Variants in MS4A1 observed in about 807,000 individuals in gnomAD.
The protein encoded by MS4A1 is B-lymphocyte antigen CD20.
A neutral mutation model predicts 26.5 loss-of-function variants in MS4A1; 16 were observed. The observed-to-expected ratio is 0.60, with a 90% CI of 0.41 to 0.92. The LOEUF is 0.92. Ranked by LOEUF, MS4A1 falls within the 40% of genes least tolerant of loss-of-function variation. The pLI is 0.00. For missense variants in MS4A1, 350 were observed against 353.0 expected (o/e 0.99, Z 0.07); for synonymous variants, 128 against 117.6 (o/e 1.09, Z -0.57).
intron 6 of MS4A1, 141 bp from the exon 7 acceptor site, chr11:60,466,818 A>G: frequency 1.2e-6 from 1 of 805,648 alleles, no homozygotes; most frequent in Non-Finnish European, 2.1e-6. Flanking sequence ...CTGTACTAGC[A>G]GTTCTCACAG....
chr11:60,469,866 A>G lies in MS4A1; in HGVS notation c.*1398A>G, dbSNP rs1354363788. ...TTATTTGGGCATTTGCTACATGATG[A>G]GTGCTGCCAGATTGTGGCAGGTAAA... On this transcript the variant is annotated 3_prime_UTR_variant, in exon 8 of 8. Transcript: ENST00000345732. The G allele has an allele frequency of 6.6e-6, 1 of 152,084 alleles. No homozygotes were observed. The highest frequency in any genetic ancestry group is 1.5e-5 in the Non-Finnish European group (1 of 67,938). The allele number at this position is 152,084 out of a possible 1,614,324, so 9.4% of individuals were successfully genotyped here. A position where few individuals can be genotyped will look rare whatever the true frequency, so the allele number is the denominator to read the frequency against.
Position 60,470,371 on chromosome 11 carries a change from A to G in MS4A1, c.*1903A>G, listed in dbSNP as rs2086334090. 6.6e-6 allele frequency: 1 copy of G among 152,200 alleles called. No homozygotes were observed. The highest frequency in any genetic ancestry group is 3.4e-3 in the Middle Eastern group (1 of 294). 9.4% of individuals were successfully genotyped at this position (152,200 alleles called of 1,614,324 possible). On this transcript the variant is annotated 3_prime_UTR_variant, in exon 8 of 8. Transcript: ENST00000345732. ...ATGAAAGTCAGAAATCTTTAAAAAA[A>G]TACAAGATCTTATTTCTATCTTATT...
In MS4A1 at chr11:60,462,358, G is replaced by A. The variant is rs760841491; in HGVS notation, c.-17G>A. ...CATTTTGTTATTTGTTTTATTTTTA[G>A]GAGTTTTGAGAGCAAAATGACAACA... is the stretch of plus-strand genomic sequence containing the variant. On this transcript the variant is annotated 5_prime_UTR_variant, in exon 3 of 8. Coordinates refer to ENST00000345732, the MANE Select transcript of MS4A1 (RefSeq NM_152866.3). 11 of 1,613,916 alleles carry A rather than the reference G, an allele frequency of 6.8e-6. No homozygotes were observed. The highest frequency in any genetic ancestry group is 1.7e-5 in the Admixed American group (1 of 60,000).
At chr11:60,463,691 G>C (rs1466195660) in intron 4 of MS4A1, 1 of 406,176 alleles carries the variant, frequency 2.5e-6, no homozygotes, top group Non-Finnish European at 5.1e-6. Context: ...CACTATAAAA[G>C]ATAAGTCCAG....
intron 5 of MS4A1, among the ~76,000 whole-genome samples, chr11:60,465,062 A>T (rs1357401233): frequency 6.6e-6 from 1 of 152,236 alleles, no homozygotes; most frequent in Non-Finnish European, 1.5e-5. Context: ...CCTGTCTTAA[A>T]GTGGCCTGAC....
intron 7 of MS4A1, among the ~76,000 whole-genome samples, chr11:60,467,503 C>A (rs888558012): frequency 4.0e-5 from 6 of 151,790 alleles, no homozygotes; most frequent in Non-Finnish European, 7.4e-5. Flanking sequence ...CTTGAACTCC[C>A]GACCTCAGGT....
intron 1 of MS4A1, among the ~76,000 whole-genome samples, chr11:60,459,975 G>T (rs1020144961): frequency 2.6e-5 from 4 of 152,160 alleles, no homozygotes; most frequent in African/African-American, 7.2e-5. Flanking sequence ...GCTGGGCATG[G>T]TGGCTCACAG....
chr11:60,464,215 G>C, intron 4 of MS4A1, 73 bp from the exon 5 acceptor site: 1 of 1,117,754 alleles, frequency 8.9e-7, no homozygotes, highest in Non-Finnish European at 1.4e-6. Context: ...ATGTTAAAAA[G>C]TGATCTCCCT....
chr11:60,458,830 T>C (rs2155714), intron 1 of MS4A1, among the ~76,000 whole-genome samples: 87,791 of 151,740 alleles, frequency 0.58, 25,524 homozygotes, highest in East Asian at 0.63. Context: ...ATCAGATATA[T>C]ATATGAAAGA....
At chr11:60,464,398 T>C in intron 5 of MS4A1, 54 bp downstream of exon 5, 3 of 1,564,180 alleles carry the variant, frequency 1.9e-6, no homozygotes, top group Non-Finnish European at 2.6e-6. Context: ...CCTATTTTTT[T>C]CGGTTAAAAA....
chr11:60,467,181 A>T (rs1041088232), intron 7 of MS4A1, 121 bp downstream of exon 7: 6 of 834,548 alleles, frequency 7.2e-6, no homozygotes, highest in Non-Finnish European at 1.2e-5. Flanking sequence ...AAAAAAAAAA[A>T]TTGGTCTTGG....
At chr11:60,464,114 G>A in intron 4 of MS4A1, 174 bp from the exon 5 acceptor site, 1 of 621,292 alleles carries the variant, frequency 1.6e-6, no homozygotes, top group Non-Finnish European at 2.9e-6. Context: ...GGAGGAATAT[G>A]ACAGCTGAAA....
At position 60,470,388 on chromosome 11, in the gene MS4A1, T is replaced by C. The variant is rs559315731; in HGVS notation, c.*1920T>C. The C allele has an allele frequency of 2.0e-5, 3 of 152,164 alleles. No homozygotes were observed. Among genetic ancestry groups the C allele is most frequent in the African/African-American group, 7.2e-5 (3 of 41,540 alleles). 9.4% of individuals were successfully genotyped at this position (152,164 alleles called of 1,614,324 possible). On this transcript the variant is annotated 3_prime_UTR_variant, in exon 8 of 8. Transcript: ENST00000345732. ...TTAAAAAAATACAAGATCTTATTTC[T>C]ATCTTATTTTTTCTCCTCTTCTGAA...
At chr11:60,456,836 G>A (rs1438472166) in intron 1 of MS4A1, among the ~76,000 whole-genome samples, 2 of 152,100 alleles carry the variant, frequency 1.3e-5, no homozygotes, top group African/African-American at 2.4e-5. Flanking sequence ...TCTCCATGTT[G>A]GCCAGGCTGG....
intron 1 of MS4A1, 22 bp downstream of exon 1, chr11:60,455,967 T>C (rs1381717877): frequency 6.6e-6 from 1 of 152,224 alleles, no homozygotes; most frequent in Non-Finnish European, 1.5e-5. Flanking sequence ...ATTTGCTTTC[T>C]TTAAATGACT....
At chr11:60,462,622 A>T in intron 3 of MS4A1, 89 bp downstream of exon 3, 1 of 1,545,404 alleles carries the variant, frequency 6.5e-7, no homozygotes, top group African/African-American at 1.4e-5. Context: ...AATTCAATCC[A>T]ATTTGAAGAA....
intron 1 of MS4A1, among the ~76,000 whole-genome samples, chr11:60,459,761 C>A (rs1277786730): frequency 6.6e-6 from 1 of 152,162 alleles, no homozygotes; most frequent in African/African-American, 2.4e-5. Flanking sequence ...ACCAAAGTTT[C>A]TTCTCTCTTT....
chr11:60,467,098 A>G, intron 7 of MS4A1, 38 bp downstream of exon 7: 1 of 1,471,512 alleles, frequency 6.8e-7, no homozygotes, highest in Non-Finnish European at 9.5e-7. Context: ...CTCCCTCTAG[A>G]AAATCCACAT....
chr11:60,462,281 T>C lies in MS4A1; in HGVS notation c.-94T>C. 2 of 1,330,404 alleles carry C rather than the reference T, an allele frequency of 1.5e-6. No homozygotes were observed. The highest frequency in any genetic ancestry group is 2.2e-6 in the Non-Finnish European group (2 of 926,842). The allele number at this position is 1,330,404 out of a possible 1,614,324, so 82.4% of individuals were successfully genotyped here. A position where few individuals can be genotyped will look rare whatever the true frequency, so the allele number is the denominator to read the frequency against. ...ATGGAGGAAATGCTGAGAGAAGCAT[T>C]CAGATGCATGACACAAGGTAAGACT... On this transcript the variant is annotated 5_prime_UTR_variant, in exon 3 of 8. Coordinates refer to ENST00000345732, the MANE Select transcript of MS4A1 (RefSeq NM_152866.3).
Sources: allele counts gnomAD v4.1 joint callset (sites outside exome capture counted in the v4.1 genomes callset), GRCh38; gene constraint gnomAD v4.1.1; transcripts MANE v1.5; gene names NCBI Gene and HGNC (gene_info 2026-07-23, HGNC 2026-07-21).